FAT2: variants seen among roughly 807,000 people sequenced by gnomAD.
FAT2 encodes the protein protocadherin Fat 2.
Under a neutral mutation model 295.3 loss-of-function variants are expected in FAT2, and 150 were observed. That is an observed-to-expected ratio of 0.51 (90% CI 0.44 to 0.58). FAT2 has a LOEUF of 0.58. Among genes scored for constraint, FAT2 ranks in the 20% least tolerant of loss-of-function variants. FAT2 has a pLI of 0.00. For missense variants in FAT2, 4,868 were observed against 5,442.7 expected (o/e 0.89, Z 3.32); for synonymous variants, 2,026 against 2,150.3 (o/e 0.94, Z 1.60).
chr5:151,542,553 G>A lies in FAT2; in HGVS notation c.8574C>T (p.Thr2858=), dbSNP rs1294182585. The A allele has an allele frequency of 1.2e-6, 2 of 1,614,186 alleles. No individual in the cohort carries two copies. The highest frequency in any genetic ancestry group is 2.7e-5 in the African/African-American group (2 of 75,046). ...FAIDSESGWI[T]TLQELDCETC... Reference sequence around the variant, plus strand: ...TCTCACAGTCAAGTTCCTGGAGTGTGGTGATCCAACCACTCTCACTGTCAA... The same window carrying A: ...TCTCACAGTCAAGTTCCTGGAGTGTAGTGATCCAACCACTCTCACTGTCAA... Residue 2858 remains threonine, a synonymous_variant, in exon 10 of 24, where the codon ACC becomes ACT. Transcript: ENST00000261800.
chr5:151,593,626 C>T (rs1368548307), upstream of FAT2, among the ~76,000 whole-genome samples: 3 of 152,092 alleles, frequency 2.0e-5, no homozygotes, highest in African/African-American at 7.2e-5. Context: ...TGAAATTGTA[C>T]CTCTCTGTGT....
At position 151,507,597 on chromosome 5, in the gene FAT2, G is replaced by T. The variant is rs538316910; in HGVS notation, c.12074C>A (p.Ala4025Glu). ...GCAGTGTCCTTCTGAACAACCCCTC[G>T]CCTCCATTTCACACCTGCGGAGACA... is the stretch of plus-strand genomic sequence containing the variant. ...PYTGDRCEME[A>E]RGCSEGHCLV... The change falls in exon 23 of 24, where the codon GCG (alanine) becomes GAG (glutamate). Residue 4025 changes from alanine (A) to glutamate (E), a missense_variant. Transcript: ENST00000261800. 2 of 1,599,544 alleles carry T rather than the reference G, an allele frequency of 1.3e-6. No individual in the cohort carries two copies. Among genetic ancestry groups the T allele is most frequent in the Admixed American group, 1.7e-5 (1 of 58,170 alleles).
Position 151,512,793 on chromosome 5 carries a change from GT to G in FAT2, c.11464-188del. Reference sequence around the variant, plus strand: ...TGCTTTTGTGTTGATGGTCTCCTTTGTTCTCACCACACCCCATGGGATGGTC... The same window carrying G: ...TGCTTTTGTGTTGATGGTCTCCTTTGTCTCACCACACCCCATGGGATGGTC... On this transcript the variant is annotated intron_variant, in intron 20 of 23. Coordinates refer to ENST00000261800, the MANE Select transcript of FAT2 (RefSeq NM_001447.3). The surrounding 1 kb of genome is among the most constrained non-coding windows in gnomAD (Gnocchi z 4.1). 1 of 608,670 alleles carries G rather than the reference GT, an allele frequency of 1.6e-6. No individual in the cohort carries two copies. The highest frequency in any genetic ancestry group is 2.9e-6 in the Non-Finnish European group (1 of 345,924). The allele number at this position is 608,670 out of a possible 1,614,324, so 37.7% of individuals were successfully genotyped here. A position where few individuals can be genotyped will look rare whatever the true frequency, so the allele number is the denominator to read the frequency against.
In FAT2 at chr5:151,521,700, C is replaced by T. The variant is rs6650971; in HGVS notation, c.10893G>A (p.Met3631Ile). The change falls in exon 19 of 24, where the codon ATG becomes ATA. Residue 3631 changes from methionine to isoleucine, a missense_variant. By Grantham distance (10) the Met-to-Ile change is conservative (BLOSUM62 1). Around this residue, in one of 5 missense-constraint regions of FAT2, gnomAD observed 1,046 missense variants for 1,210.1 expected, o/e 0.86. Transcript: ENST00000261800. ...GGGTGAGCTGGTAGAAGCCCATCCA[C>T]ATGGCCTGCTGCAGAGCCTCCTGCC... ...HVGQEALQQA[M>I]WMGFYQLTPE... 0.73 allele frequency: 1,183,528 copies of T among 1,613,612 alleles called. 437,052 individuals carry two copies. Among genetic ancestry groups the T allele is most frequent in the East Asian group, 0.95 (42,555 of 44,862 alleles).
At chr5:151,548,534 G>A (rs1756877036) in intron 9 of FAT2, among the ~76,000 whole-genome samples, 2 of 152,238 alleles carry the variant, frequency 1.3e-5, no homozygotes, top group South Asian at 4.2e-4. Context: ...AGGCTGGAGT[G>A]CAATGGTGCA....
In FAT2 at chr5:151,512,476, C is replaced by G; in HGVS notation, c.11594G>C (p.Arg3865Pro). The G allele has an allele frequency of 6.2e-7, 1 of 1,614,168 alleles. No homozygotes were observed. Among genetic ancestry groups the G allele is most frequent in the Non-Finnish European group, 8.5e-7 (1 of 1,180,034 alleles). The change falls in exon 21 of 24, where the codon CGC becomes CCC. Residue 3865 changes from arginine to proline, a missense_variant. Physicochemically the swap from Arg to Pro is moderately radical, Grantham distance 103. This residue lies in a region of FAT2 where 1,046 missense variants were observed against 1,210.1 expected (regional missense o/e 0.86). Coordinates refer to ENST00000261800, the MANE Select transcript of FAT2 (RefSeq NM_001447.3). The surrounding 1 kb of genome is among the most constrained non-coding windows in gnomAD (Gnocchi z 4.1). The part of the protein sequence containing the change: ...ILVEEMDASI[R>P]LMVDSMGNTS... The stretch of plus-strand genomic sequence containing the variant: ...GTTGCCCATGCTGTCAACCATCAGG[C>G]GAATGGAAGCGTCCATCTCCTCCAC...
At chr5:151,562,409 A>T (rs985164572) in intron 3 of FAT2, among the ~76,000 whole-genome samples, 3 of 152,132 alleles carry the variant, frequency 2.0e-5, no homozygotes, top group South Asian at 2.1e-4. Context: ...AGGCTTTAAG[A>T]AGTGTCTGCA....
chr5:151,558,071 C>A (rs1214385919), intron 3 of FAT2, among the ~76,000 whole-genome samples: 4 of 152,228 alleles, frequency 2.6e-5, no homozygotes, highest in African/African-American at 9.6e-5. Flanking sequence ...CCTTTAACAT[C>A]TTTCTGGCTT....
chr5:151,553,491 G>C (rs761956667), intron 5 of FAT2, 104 bp from the exon 6 acceptor site: 11 of 972,928 alleles, frequency 1.1e-5, no homozygotes, highest in African/African-American at 1.6e-5. Context: ...GACCAAGCAG[G>C]CCTCTCATCC....
chr5:151,512,374 A>G lies in FAT2; in HGVS notation c.11696T>C (p.Leu3899Ser), dbSNP rs146913843. 2.5e-6 allele frequency: 4 copies of G among 1,614,232 alleles called. No individual in the cohort carries two copies. Among genetic ancestry groups the G allele is most frequent in the Non-Finnish European group, 3.4e-6 (4 of 1,180,042 alleles). Residue 3899 changes from leucine to serine, a missense_variant, in exon 21 of 24, where the codon TTG (leucine) becomes TCG (serine). Leu to Ser is a moderately radical substitution (Grantham distance 145, BLOSUM62 -2). Coordinates refer to ENST00000261800, the MANE Select transcript of FAT2 (RefSeq NM_001447.3). The surrounding 1 kb of genome is among the most constrained non-coding windows in gnomAD (Gnocchi z 4.1). The stretch of plus-strand genomic sequence containing the variant: ...CTGGGAGACATTCGAGGAAGAATGC[A>G]ACAGAATGAGGCCGCCCAGCAAGAG... ...RHLLLGGLIL[L>S]HSSSNVSQGF...
At position 151,566,644 on chromosome 5, in the gene FAT2, A is replaced by G; in HGVS notation, c.2288T>C (p.Phe763Ser). ...CAGCCCTGTCTCCAGCTCTATGTCA[A>G]AGCAGCCCTCCTCATTGCCATCTGC... is the stretch of plus-strand genomic sequence containing the variant. ...VIADGNEEGC[F>S]DIELETGLLT... Residue 763 changes from phenylalanine (F) to serine (S), a missense_variant, in exon 2 of 24, where the codon TTT (phenylalanine) becomes TCT (serine). This residue lies in a region of FAT2 where 3,297 missense variants were observed against 3,669.4 expected (regional missense o/e 0.90). Transcript: ENST00000261800. 6.2e-7 allele frequency: 1 copy of G among 1,614,140 alleles called. No homozygotes were observed. The highest frequency in any genetic ancestry group is 2.2e-5 in the East Asian group (1 of 44,890).
intron 12 of FAT2, among the ~76,000 whole-genome samples, chr5:151,535,545 C>T (rs561438723): frequency 4.1e-5 from 6 of 146,494 alleles, no homozygotes; most frequent in South Asian, 2.2e-4. Context: ...CCTCATGCCT[C>T]GCCCTACACC....
chr5:151,540,562 C>T lies in FAT2; in HGVS notation c.9039+5G>A. ...TACCCACTCCACCCCTCGCCAGGCT[C>T]TCACCTGTGAACACTGTGGGCTGTT... On this transcript the variant is annotated splice_donor_5th_base_variant and intron_variant, in intron 11 of 23. Coordinates refer to ENST00000261800, the MANE Select transcript of FAT2 (RefSeq NM_001447.3). The T allele has an allele frequency of 6.2e-7, 1 of 1,606,896 alleles. No individual in the cohort carries two copies. Among genetic ancestry groups the T allele is most frequent in the Non-Finnish European group, 8.5e-7 (1 of 1,174,818 alleles).
Position 151,504,354 on chromosome 5 carries a change from T to G in FAT2, c.*1211A>C, listed in dbSNP as rs77216756. 5,731 of 152,674 alleles carry G rather than the reference T, an allele frequency of 0.038. 347 individuals carry two copies. The highest frequency in any genetic ancestry group is 0.13 in the African/African-American group (5,426 of 41,510). The allele number at this position is 152,674 out of a possible 1,614,324, so 9.5% of individuals were successfully genotyped here. A position where few individuals can be genotyped will look rare whatever the true frequency, so the allele number is the denominator to read the frequency against. On this transcript the variant is annotated 3_prime_UTR_variant, in exon 24 of 24. Coordinates refer to ENST00000261800, the MANE Select transcript of FAT2 (RefSeq NM_001447.3). Reference sequence around the variant, plus strand: ...GACTGGGTGGGAGGGAGTGGTGAGGTCACCAAAGGCCACAGAGGCTTCTGG... The same window carrying G: ...GACTGGGTGGGAGGGAGTGGTGAGGGCACCAAAGGCCACAGAGGCTTCTGG...
chr5:151,534,936 T>C (rs1041665705), intron 12 of FAT2, among the ~76,000 whole-genome samples: 1 of 145,518 alleles, frequency 6.9e-6, no homozygotes, highest in Non-Finnish European at 1.5e-5. Context: ...ATAAAATGCA[T>C]TTATCCTTTG....
chr5:151,590,922 G>C (rs916887864), intron 1 of FAT2, among the ~76,000 whole-genome samples: 2 of 152,162 alleles, frequency 1.3e-5, no homozygotes, highest in African/African-American at 4.8e-5. Context: ...TCTCAGCCTT[G>C]CCCATTGCTG....
rs777094215 is a variant in FAT2 at position 151,509,993 on chromosome 5, C to T, written c.12059+28G>A. ...AGAGCGCATTCCCTAACAAGGAGCC[C>T]ATGGCAGGTGGCCTCTCCTGGGATT... On this transcript the variant is annotated intron_variant, in intron 22 of 23. Transcript: ENST00000261800. 10 of 1,609,218 alleles carry T rather than the reference C, an allele frequency of 6.2e-6. No individual in the cohort carries two copies. In the South Asian group the frequency reaches 8.8e-5, roughly 14 times the overall value.
chr5:151,551,445 G>A (rs372671677), intron 7 of FAT2, 22 bp downstream of exon 7: 1 of 1,612,274 alleles, frequency 6.2e-7, no homozygotes, highest in South Asian at 1.1e-5. Flanking sequence ...CAATACAGGG[G>A]TCCCCAGCCG....
At chr5:151,572,982 C>T (rs1235487195) in intron 1 of FAT2, among the ~76,000 whole-genome samples, 1 of 152,258 alleles carries the variant, frequency 6.6e-6, no homozygotes, top group East Asian at 1.9e-4. Flanking sequence ...AGAGGGCACA[C>T]ATGCATACTC....
Sources: allele counts gnomAD v4.1 joint callset (sites outside exome capture counted in the v4.1 genomes callset), GRCh38; gene constraint gnomAD v4.1.1; regional missense constraint gnomAD v4.1.1; non-coding constraint Gnocchi (gnomAD v3.1); transcripts MANE v1.5; gene names NCBI Gene and HGNC (gene_info 2026-07-23, HGNC 2026-07-21).